Variants in SELPLG observed in about 807,000 individuals in gnomAD.
SELPLG encodes selectin P ligand.
In SELPLG, 2 loss-of-function variants were observed where a neutral mutation model predicts 1.1. The observed-to-expected ratio is 1.82, with a 90% CI of 0.74 to 5.71. The LOEUF (loss-of-function observed/expected upper bound fraction) is 5.71, where lower values mean the gene tolerates loss of function less well. Among genes scored for constraint, SELPLG ranks in the 30% most tolerant of loss-of-function variants. The probability of loss-of-function intolerance (pLI) is 0.05; values close to 1 mark genes in which losing one functional copy is unlikely to be tolerated. For missense variants in SELPLG, 478 were observed against 524.7 expected (o/e 0.91, Z 0.87); for synonymous variants, 230 against 221.2 (o/e 1.04, Z -0.35).
Position 108,624,290 on chromosome 12 carries a change from G to A in SELPLG, c.18C>T (p.Leu6=). 6.2e-7 allele frequency: 1 copy of A among 1,613,908 alleles called. No individual in the cohort carries two copies. ...CAGGGCCCAGTAGGATCAGCAACAGGAGGAGTTGCAGAGGCATGGCACCTA... is the reference window on the plus strand; with the variant it reads ...CAGGGCCCAGTAGGATCAGCAACAGAAGGAGTTGCAGAGGCATGGCACCTA... MPLQL[L]LLLILLGPGN... The change falls in exon 2 of 2, where the codon CTC becomes CTT. Residue 6 remains leucine (L), a synonymous_variant. Transcript: ENST00000550948.
chr12:108,631,656 T>A (rs8179115), intron 1 of SELPLG, among the ~76,000 whole-genome samples: 1 of 152,040 alleles, frequency 6.6e-6, no homozygotes, highest in South Asian at 2.1e-4. Context: ...CCCCCCTCCC[T>A]ACCCTCCACC....
chr12:108,623,771 C>T lies in SELPLG; in HGVS notation c.537G>A (p.Thr179=), dbSNP rs149895290. ...CTGTGGGTTGAGTGGTCTGTGCTTCCGTGGCTGCTGGTGGAGTGGTCTGTG... is the reference window on the plus strand; with the variant it reads ...CTGTGGGTTGAGTGGTCTGTGCTTCTGTGGCTGCTGGTGGAGTGGTCTGTG... ...TEAQTTPPAA[T]EAQTTQPTGL... Residue 179 remains threonine (T), a synonymous_variant, in exon 2 of 2, where the codon ACG becomes ACA. Transcript: ENST00000550948. 960 of 1,611,896 alleles carry T rather than the reference C, an allele frequency of 6.0e-4. 4 individuals are homozygous for T. Among genetic ancestry groups the T allele is most frequent in the Middle Eastern group, 1.8e-3 (11 of 6,050 alleles).
intron 1 of SELPLG, among the ~76,000 whole-genome samples, chr12:108,630,940 C>T (rs1186032942): frequency 4.6e-5 from 7 of 152,250 alleles, no homozygotes; most frequent in South Asian, 2.1e-4. Flanking sequence ...ACACACCCCT[C>T]GCAACACTCG....
chr12:108,622,054 T>A lies in SELPLG; in HGVS notation c.*1015A>T, dbSNP rs982992771. The stretch of plus-strand genomic sequence containing the variant: ...GGGCAGCCCTCCCTTTGGCCCCCCA[T>A]AGCCTGAACTTTTCCTGGTCACCCA... On this transcript the variant is annotated 3_prime_UTR_variant, in exon 2 of 2. Coordinates refer to ENST00000550948, the MANE Select transcript of SELPLG (RefSeq NM_003006.4). Among the ~76,000 whole-genome samples, 1 of 152,168 alleles carries A rather than the reference T, an allele frequency of 6.6e-6. No homozygotes were observed. Among genetic ancestry groups the A allele is most frequent in the African/African-American group, 2.4e-5 (1 of 41,440 alleles).
chr12:108,623,466 C>T lies in SELPLG; in HGVS notation c.842G>A (p.Gly281Asp), dbSNP rs138564912. Residue 281 changes from glycine (G) to aspartate (D), a missense_variant, in exon 2 of 2, where the codon GGT (glycine) becomes GAT (aspartate). Physicochemically the swap from Gly to Asp is moderately conservative, Grantham distance 94. Coordinates refer to ENST00000550948, the MANE Select transcript of SELPLG (RefSeq NM_003006.4). The part of the protein sequence containing the change: ...ALSMEPTTKR[G>D]LFIPFSVSSV... The stretch of plus-strand genomic sequence containing the variant: ...GGACACAGAAAAGGGTATGAACAGA[C>T]CTCTTTTGGTAGTAGGTTCCATGGA... 1.9e-6 allele frequency: 3 copies of T among 1,614,116 alleles called. No homozygotes were observed. Among genetic ancestry groups the T allele is most frequent in the Non-Finnish European group, 2.5e-6 (3 of 1,180,056 alleles).
chr12:108,632,037 G>T, intron 1 of SELPLG: 2 of 972,558 alleles, frequency 2.1e-6, no homozygotes, highest in Non-Finnish European at 3.1e-6. Context: ...TTTCTCATCT[G>T]TAAAAGGGGC....
chr12:108,623,648 C>T lies in SELPLG; in HGVS notation c.660G>A (p.Glu220=), dbSNP rs754020055. 8 of 1,533,878 alleles carry T rather than the reference C, an allele frequency of 5.2e-6. No individual in the cohort carries two copies. The Admixed American group carries it at 1.2e-4, about 23-fold the overall frequency. The part of the protein sequence containing the change: ...EAQTTPPAAM[E]AQTTQTTAME... Reference sequence around the variant, plus strand: ...TGGCTGTGGTTTGAGTGGTCTGTGCCTCCATGGCTGCTGGTGGAGTGGTCT... The same window carrying T: ...TGGCTGTGGTTTGAGTGGTCTGTGCTTCCATGGCTGCTGGTGGAGTGGTCT... The change falls in exon 2 of 2, where the codon GAG becomes GAA. Residue 220 remains glutamate (E), a synonymous_variant. Transcript: ENST00000550948.
At chr12:108,627,062 C>T (rs1479618602) in intron 1 of SELPLG, among the ~76,000 whole-genome samples, 1 of 152,172 alleles carries the variant, frequency 6.6e-6, no homozygotes, top group Non-Finnish European at 1.5e-5. Context: ...CAAGATCACA[C>T]CACTGCACTC....
At chr12:108,629,447 G>C (rs552259837) in intron 1 of SELPLG, among the ~76,000 whole-genome samples, 1 of 152,208 alleles carries the variant, frequency 6.6e-6, no homozygotes, top group African/African-American at 2.4e-5. Context: ...ACGGTGCCTC[G>C]AGCTTGTACT....
At position 108,626,692 on chromosome 12, in the gene SELPLG, G is replaced by A. The variant is rs190316144; in HGVS notation, c.-5-2380C>T. Among the ~76,000 whole-genome samples, 362 of 151,104 alleles carry A rather than the reference G, an allele frequency of 2.4e-3. 2 individuals carry two copies. Among genetic ancestry groups the A allele is most frequent in the Non-Finnish European group, 8.8e-4 (60 of 67,830 alleles). ...TTAATTTTTTTTTTTTTGTAGAGAC[G>A]GGGTCTTGCTGTTGTCCAGGCTGGT... is the stretch of plus-strand genomic sequence containing the variant. On this transcript the variant is annotated intron_variant, in intron 1 of 1. Coordinates refer to ENST00000550948, the MANE Select transcript of SELPLG (RefSeq NM_003006.4).
At chr12:108,625,940 G>A (rs191032560) in intron 1 of SELPLG, among the ~76,000 whole-genome samples, 72 of 152,100 alleles carry the variant, frequency 4.7e-4, no homozygotes, top group Admixed American at 4.6e-3. Context: ...ATGCAGAGTG[G>A]GCATTCAAGA....
intron 1 of SELPLG, among the ~76,000 whole-genome samples, chr12:108,626,332 GC>G (rs1565889481): frequency 6.6e-6 from 1 of 151,708 alleles, no homozygotes. Flanking sequence ...ACGGGGTTTC[GC>G]CATGTTGGTC....
chr12:108,628,337 A>G (rs1305314827), intron 1 of SELPLG, among the ~76,000 whole-genome samples: 7 of 151,180 alleles, frequency 4.6e-5, no homozygotes, highest in African/African-American at 1.7e-4. Context: ...ACACACACAC[A>G]CACACACACA....
intron 1 of SELPLG, among the ~76,000 whole-genome samples, chr12:108,628,514 C>G (rs1419491265): frequency 6.6e-6 from 1 of 152,212 alleles, no homozygotes; most frequent in South Asian, 2.1e-4. Context: ...ATATTTCATA[C>G]TTATGAGCAC....
At chr12:108,627,801 C>T (rs912364177) in intron 1 of SELPLG, among the ~76,000 whole-genome samples, 2 of 152,062 alleles carry the variant, frequency 1.3e-5, no homozygotes, top group East Asian at 1.9e-4. Flanking sequence ...AGGCCAGTCA[C>T]GGTGGCTCAC....
Position 108,623,430 on chromosome 12 carries a change from T to G in SELPLG, c.878A>C (p.His293Pro). 6.2e-7 allele frequency: 1 copy of G among 1,614,226 alleles called. No individual in the cohort carries two copies. ...FIPFSVSSVT[H>P]KGIPMAASNL... ...GCTGGCTGCCATGGGAATGCCCTTG[T>G]GAGTAACAGAGGACACAGAAAAGGG... The change falls in exon 2 of 2, where the codon CAC becomes CCC. Residue 293 changes from histidine (H) to proline (P), a missense_variant. By Grantham distance (77) the His-to-Pro change is moderately conservative (BLOSUM62 -2). Coordinates refer to ENST00000550948, the MANE Select transcript of SELPLG (RefSeq NM_003006.4).
intron 1 of SELPLG, among the ~76,000 whole-genome samples, chr12:108,625,270 C>G (rs2031917921): frequency 6.6e-6 from 1 of 152,130 alleles, no homozygotes. Context: ...CCCTCCATAG[C>G]CCTTGCCAGT....
At chr12:108,632,615 A>G (rs2032082071) in intron 1 of SELPLG, among the ~76,000 whole-genome samples, 1 of 151,942 alleles carries the variant, frequency 6.6e-6, no homozygotes. Flanking sequence ...CCCAGGTTCA[A>G]GTGATCCTCC....
chr12:108,623,201 C>T lies in SELPLG; in HGVS notation c.1107G>A (p.Leu369=), dbSNP rs2031854339. Residue 369 remains leucine, a synonymous_variant, in exon 2 of 2, where the codon TTG becomes TTA. Coordinates refer to ENST00000550948, the MANE Select transcript of SELPLG (RefSeq NM_003006.4). ...CAGAGGGCCCCTCACCCCCATCAGG[C>T]AACAGGGATGAGATGCAGACCATCT... is the stretch of plus-strand genomic sequence containing the variant. The part of the protein sequence containing the change: ...PTEMVCISSL[L]PDGGEGPSAT... 3.1e-6 allele frequency: 5 copies of T among 1,613,908 alleles called. No individual in the cohort carries two copies. Among genetic ancestry groups the T allele is most frequent in the Admixed American group, 1.7e-5 (1 of 59,980 alleles).
Sources: gnomAD v4.1 joint callset for allele counts (sites outside exome capture counted in the v4.1 genomes callset) on GRCh38, gnomAD v4.1.1 for gene constraint, MANE v1.5 for transcripts, NCBI Gene and HGNC (gene_info 2026-07-23, HGNC 2026-07-21) for gene names.